LOC112694756: variants seen among roughly 807,000 people sequenced by gnomAD.
chr16:30,056,121 T>C, the LOC112694756 span, among the ~76,000 whole-genome samples: 9 of 147,778 alleles, frequency 6.1e-5, no homozygotes. Flanking sequence ...TTTTTTTTTT[T>C]TTTTTTGAGA....
At chr16:30,067,262 A>G in the LOC112694756 span, 7 of 1,612,158 alleles carry the variant, frequency 4.3e-6, no homozygotes, top group African/African-American at 5.3e-5. Flanking sequence ...ACCATGCCCT[A>G]CCAATATCCA....
chr16:30,053,664 C>A, the LOC112694756 span, among the ~76,000 whole-genome samples: 2 of 152,188 alleles, frequency 1.3e-5, no homozygotes, highest in Non-Finnish European at 2.9e-5. Context: ...GAATGGACTT[C>A]CCACGGGAGG....
At chr16:30,067,655 C>T in the LOC112694756 span, 2 of 1,614,054 alleles carry the variant, frequency 1.2e-6, no homozygotes, top group Admixed American at 1.7e-5. Context: ...GTGTTGTGGG[C>T]ATCAAGGTAA....
chr16:30,064,208 T>C, the LOC112694756 span: 1 of 397,848 alleles, frequency 2.5e-6, no homozygotes, highest in Non-Finnish European at 4.4e-6. Flanking sequence ...CAGGGGTGCC[T>C]CAACCACACT....
chr16:30,069,292 C>G, the LOC112694756 span: 2 of 1,613,938 alleles, frequency 1.2e-6, no homozygotes, highest in South Asian at 2.2e-5. Context: ...GTGACCCTGT[C>G]CCTCGCCCTG....
the LOC112694756 span, among the ~76,000 whole-genome samples, chr16:30,055,914 C>T: frequency 1.3e-5 from 2 of 152,116 alleles, no homozygotes; most frequent in Admixed American, 1.3e-4. Context: ...ATTCTCCTGC[C>T]TCAGCCTCCT....
the LOC112694756 span, among the ~76,000 whole-genome samples, chr16:30,059,359 G>A: frequency 4.0e-5 from 6 of 151,746 alleles, no homozygotes; most frequent in East Asian, 2.0e-4. Flanking sequence ...TTAGCCGGGC[G>A]TGGTGGCGGG....
chr16:30,067,911 C>G, the LOC112694756 span: 1 of 558,854 alleles, frequency 1.8e-6, no homozygotes, highest in Non-Finnish European at 3.2e-6. Context: ...AGTGGCAGAG[C>G]CCCAGTCTGA....
the LOC112694756 span, chr16:30,055,379 C>T: frequency 2.0e-5 from 8 of 398,854 alleles, no homozygotes; most frequent in Middle Eastern, 6.3e-4. Context: ...TAGGTATGAT[C>T]GGTGCATTCA....
the LOC112694756 span, among the ~76,000 whole-genome samples, chr16:30,059,502 AAAT>A: frequency 4.6e-5 from 7 of 151,056 alleles, no homozygotes; most frequent in East Asian, 3.9e-4. Flanking sequence ...CCGTCTCAAA[AAAT>A]AATAATAATA....
chr16:30,055,060 A>C, the LOC112694756 span: 3 of 398,716 alleles, frequency 7.5e-6, no homozygotes, highest in Non-Finnish European at 1.3e-5. Flanking sequence ...TTGTGGTACC[A>C]GGGGGTCCCT....
the LOC112694756 span, chr16:30,069,455 C>G: frequency 6.2e-7 from 1 of 1,613,960 alleles, no homozygotes; most frequent in Non-Finnish European, 8.5e-7. Flanking sequence ...AACCCCTATC[C>G]TCTCCTCCAC....
the LOC112694756 span, among the ~76,000 whole-genome samples, chr16:30,056,064 G>A: frequency 2.8e-5 from 4 of 143,110 alleles, no homozygotes; most frequent in Middle Eastern, 4.4e-3. Context: ...GCTGCCCAAC[G>A]TGCTGGGATT....
chr16:30,066,525 C>T, the LOC112694756 span, among the ~76,000 whole-genome samples: 2 of 152,228 alleles, frequency 1.3e-5, no homozygotes, highest in African/African-American at 2.4e-5. Flanking sequence ...CCGCTTTCCT[C>T]GCCTCGGGCT....
At chr16:30,055,800 T>C in the LOC112694756 span, among the ~76,000 whole-genome samples, 5 of 151,964 alleles carry the variant, frequency 3.3e-5, no homozygotes, top group Non-Finnish European at 5.9e-5. Context: ...CCCTCTTCTT[T>C]TCTTTTTGTT....
At chr16:30,064,819 T>C in the LOC112694756 span, 2 of 137,598 alleles carry the variant, frequency 1.5e-5, no homozygotes, top group Non-Finnish European at 3.0e-5. Context: ...GGGGTGGGGA[T>C]GGGGTTGGGG....
At chr16:30,058,491 T>A in the LOC112694756 span, among the ~76,000 whole-genome samples, 1 of 150,632 alleles carries the variant, frequency 6.6e-6, no homozygotes, top group East Asian at 2.0e-4. Context: ...TTTTTCTTTT[T>A]TCTTTTTTTT....
At chr16:30,064,843 G>C in the LOC112694756 span, 1 of 217,586 alleles carries the variant, frequency 4.6e-6, no homozygotes. Flanking sequence ...GGCCAACAGG[G>C]TCCAGATGGG....
At chr16:30,062,950 C>A in the LOC112694756 span, among the ~76,000 whole-genome samples, 1 of 151,960 alleles carries the variant, frequency 6.6e-6, no homozygotes, top group South Asian at 2.1e-4. Flanking sequence ...CCGAGACCAG[C>A]CTGACCAACA....
Sources: gnomAD v4.1 joint callset for allele counts (sites outside exome capture counted in the v4.1 genomes callset) on GRCh38, gnomAD v4.1.1 for gene constraint, MANE v1.5 for transcripts.